PRKG1: variants seen among roughly 807,000 people sequenced by gnomAD.
PRKG1 encodes protein kinase cGMP-dependent 1.
PRKG1 carries 35 observed loss-of-function variants against 88.1 expected under a neutral mutation model. That is an observed-to-expected ratio of 0.40 (90% CI 0.30 to 0.53). PRKG1 has a LOEUF of 0.53. PRKG1 is among the 20% of genes least tolerant of loss of function. The pLI, the probability that PRKG1 is intolerant of heterozygous loss-of-function variation, is 0.59. For missense variants in PRKG1, 540 were observed against 839.8 expected, an observed-to-expected ratio of 0.64 and a Z score of 4.41; for synonymous variants, 303 against 292.5, an observed-to-expected ratio of 1.04 and a Z score of -0.37.
chr10:51,551,470 G>A (rs912992586), intron 3 of PRKG1, among the ~76,000 whole-genome samples: 3 of 151,770 alleles, frequency 2.0e-5, no homozygotes, highest in African/African-American at 7.2e-5. Context: ...TTGAGAATTT[G>A]TTCATAAACA....
rs80006152 is a variant in PRKG1 at position 51,988,554 on chromosome 10, T to C, written c.763-65930T>C. Among the ~76,000 whole-genome samples, 969 of 152,182 alleles carry C rather than the reference T, an allele frequency of 6.4e-3. 5 individuals carry two copies. Among genetic ancestry groups the C allele is most frequent in the Middle Eastern group, 0.027 (8 of 294 alleles). On this transcript the variant is annotated intron_variant, in intron 5 of 17. Coordinates refer to ENST00000373980, the MANE Select transcript of PRKG1 (RefSeq NM_006258.4). Reference sequence around the variant, plus strand: ...CTTGGTTTAATACATTTAAAAATGTTTGCTGGGTTTGAGGTATCATTGTTT... The same window carrying C: ...CTTGGTTTAATACATTTAAAAATGTCTGCTGGGTTTGAGGTATCATTGTTT...
At chr10:52,230,979 A>G (rs1292561980) in intron 9 of PRKG1, 1 of 152,214 alleles carries the variant, frequency 6.6e-6, no homozygotes, top group African/African-American at 2.4e-5. Flanking sequence ...TAATTTTTTA[A>G]TGGGGCAAGA....
At chr10:51,652,332 G>A (rs999248459) in intron 3 of PRKG1, among the ~76,000 whole-genome samples, 1 of 132,272 alleles carries the variant, frequency 7.6e-6, no homozygotes, top group African/African-American at 2.7e-5. Context: ...AAAAAAAAAA[G>A]CTGTCTCAGA....
chr10:51,863,882 A>G (rs77177174), intron 4 of PRKG1, among the ~76,000 whole-genome samples: 5,540 of 152,278 alleles, frequency 0.036, 147 homozygotes, highest in Non-Finnish European at 0.057. Flanking sequence ...CTCTGTTTGC[A>G]TCTCTGCTTA....
intron 2 of PRKG1, among the ~76,000 whole-genome samples, chr10:51,318,513 A>G (rs906440838): frequency 6.6e-6 from 1 of 152,234 alleles, no homozygotes; most frequent in African/African-American, 2.4e-5. Context: ...AAGTATAAGT[A>G]TATGGTAAAG....
chr10:52,050,820 C>T (rs1845971688), intron 5 of PRKG1, among the ~76,000 whole-genome samples: 2 of 152,142 alleles, frequency 1.3e-5, no homozygotes, highest in African/African-American at 4.8e-5. Flanking sequence ...TAGACTATAT[C>T]TGGATATCCC....
chr10:51,987,593 A>G (rs1176919127), intron 5 of PRKG1, among the ~76,000 whole-genome samples: 1 of 152,010 alleles, frequency 6.6e-6, no homozygotes, highest in African/African-American at 2.4e-5. Flanking sequence ...CTTAGCCACT[A>G]TGGGCTTCAG....
chr10:52,168,219 TA>T (rs1838546962), intron 9 of PRKG1, among the ~76,000 whole-genome samples: 1 of 152,194 alleles, frequency 6.6e-6, no homozygotes, highest in African/African-American at 2.4e-5. Context: ...GAAGTCTTCT[TA>T]GGGGAAGTGA....
At chr10:51,992,882 T>TTA (rs1301464623) in intron 5 of PRKG1, among the ~76,000 whole-genome samples, 2 of 152,214 alleles carry the variant, frequency 1.3e-5, no homozygotes, top group Non-Finnish European at 2.9e-5. Context: ...AGACAGTAGA[T>TTA]ATCTAGAGTG....
At chr10:51,288,212 T>C (rs1367587566) in intron 2 of PRKG1, among the ~76,000 whole-genome samples, 1 of 152,130 alleles carries the variant, frequency 6.6e-6, no homozygotes, top group Admixed American at 6.6e-5. Context: ...TACATATGTA[T>C]ACATGTGCCA....
chr10:52,128,349 T>G lies in PRKG1; in HGVS notation c.936-5491T>G. On this transcript the variant is annotated intron_variant, in intron 7 of 17. Transcript: ENST00000373980. ...CTATGTTCTGCTTTGGCCTCATACA[T>G]TCTGTGTTTGTTCCCCTGAGGTATC... is the stretch of plus-strand genomic sequence containing the variant. The G allele has an allele frequency of 1.8e-5, 18 of 985,390 alleles. 1 individual carries two copies. In the South Asian group the frequency reaches 7.5e-4, roughly 41 times the overall value. The allele number at this position is 985,390 out of a possible 1,614,324, so 61.0% of individuals were successfully genotyped here.
intron 9 of PRKG1, among the ~76,000 whole-genome samples, chr10:52,198,607 T>C (rs1034824614): frequency 1.3e-5 from 2 of 152,034 alleles, no homozygotes; most frequent in Non-Finnish European, 2.9e-5. Flanking sequence ...TAACAGAAAT[T>C]TATTCTCTCA....
At chr10:51,102,429 C>T (rs1222076978) in intron 1 of PRKG1, among the ~76,000 whole-genome samples, 1 of 151,536 alleles carries the variant, frequency 6.6e-6, no homozygotes, top group Non-Finnish European at 1.5e-5. Flanking sequence ...TAAAGGGTCT[C>T]TGGAGTTGGA....
chr10:52,202,434 G>C (rs946770009), intron 9 of PRKG1, among the ~76,000 whole-genome samples: 1 of 151,686 alleles, frequency 6.6e-6, no homozygotes, highest in Non-Finnish European at 1.5e-5. Context: ...ATGTGCTGCT[G>C]GTATTTTGTT....
chr10:51,175,526 TA>T (rs1837168285), intron 2 of PRKG1, among the ~76,000 whole-genome samples: 1 of 152,058 alleles, frequency 6.6e-6, no homozygotes, highest in Admixed American at 6.6e-5. Flanking sequence ...CCAATATGAT[TA>T]TTTCCACCCG....
intron 3 of PRKG1, among the ~76,000 whole-genome samples, chr10:51,491,650 T>C (rs1392512917): frequency 6.6e-6 from 1 of 152,114 alleles, no homozygotes; most frequent in Non-Finnish European, 1.5e-5. Flanking sequence ...CGGGTAGCAT[T>C]ACTAATACTA....
intron 4 of PRKG1, among the ~76,000 whole-genome samples, chr10:51,841,932 C>T (rs1840286801): frequency 6.6e-6 from 1 of 152,214 alleles, no homozygotes; most frequent in Non-Finnish European, 1.5e-5. Context: ...ATCTGCCCGC[C>T]TCAGCCTCCC....
intron 2 of PRKG1, among the ~76,000 whole-genome samples, chr10:51,350,873 G>A (rs1235272347): frequency 6.6e-6 from 1 of 152,056 alleles, no homozygotes; most frequent in African/African-American, 2.4e-5. Flanking sequence ...CCATCAACCC[G>A]TCATCTACAT....
At chr10:51,857,176 T>G (rs1240445492) in intron 4 of PRKG1, among the ~76,000 whole-genome samples, 1 of 152,150 alleles carries the variant, frequency 6.6e-6, no homozygotes, top group Non-Finnish European at 1.5e-5. Flanking sequence ...TTGATTTGTT[T>G]CTTTACAGAT....
Sources: allele counts gnomAD v4.1 joint callset (sites outside exome capture counted in the v4.1 genomes callset), GRCh38; gene constraint gnomAD v4.1.1; transcripts MANE v1.5; gene names NCBI Gene and HGNC (gene_info 2026-07-23, HGNC 2026-07-21).